The following PTPRD variants were observed in gnomAD, a reference collection of about 807,000 sequenced individuals.
PTPRD encodes the protein protein tyrosine phosphatase receptor type D.
PTPRD carries 34 observed loss-of-function variants against 214.5 expected under a neutral mutation model. That is an observed-to-expected ratio of 0.16 (90% confidence interval 0.12 to 0.21). The LOEUF (loss-of-function observed/expected upper bound fraction) is 0.21, where lower values mean the gene tolerates loss of function less well. Ranked by LOEUF, PTPRD falls within the 10% of genes least tolerant of loss-of-function variation. PTPRD has a pLI of 1.00. For synonymous variants in PTPRD, 1,128 were observed against 845.7 expected (o/e 1.33, Z -5.79); for missense variants, 2,545 against 2,398.7 (o/e 1.06, Z -1.27).
chr9:9,598,878 T>G (rs2093559365), intron 7 of PTPRD, among the ~76,000 whole-genome samples: 1 of 152,004 alleles, frequency 6.6e-6, no homozygotes. Flanking sequence ...AAAGATTTCC[T>G]TCTGAAGCTT....
At chr9:10,049,407 A>AGAAAGAAAG (rs1266009020) in intron 3 of PTPRD, among the ~76,000 whole-genome samples, 1 of 115,696 alleles carries the variant, frequency 8.6e-6, no homozygotes, top group Non-Finnish European at 1.7e-5. Context: ...TTAAAAAAAA[A>AGAAAGAAAG]AAAGAAAGAA....
chr9:10,591,216 G>C (rs140378507), intron 2 of PTPRD, among the ~76,000 whole-genome samples: 1 of 151,342 alleles, frequency 6.6e-6, no homozygotes, highest in Non-Finnish European at 1.5e-5. Context: ...TCTATTGCTT[G>C]TGCTTACTCC....
intron 2 of PTPRD, among the ~76,000 whole-genome samples, chr9:10,407,288 A>C (rs971862818): frequency 1.1e-4 from 17 of 151,602 alleles, no homozygotes; most frequent in Admixed American, 2.6e-4. Flanking sequence ...ATATGGTGTG[A>C]TAATTGGATG....
At chr9:9,117,190 CTTT>C (rs2099813181) in intron 10 of PTPRD, among the ~76,000 whole-genome samples, 1 of 149,002 alleles carries the variant, frequency 6.7e-6, no homozygotes, top group African/African-American at 2.5e-5. Flanking sequence ...AAATTAGTAT[CTTT>C]TTCCAGCAGA....
At chr9:9,961,488 C>T (rs1028342560) in intron 4 of PTPRD, among the ~76,000 whole-genome samples, 4 of 152,036 alleles carry the variant, frequency 2.6e-5, no homozygotes, top group Non-Finnish European at 5.9e-5. Context: ...GTTGAAAGTT[C>T]CCAGGAGCAT....
intron 4 of PTPRD, among the ~76,000 whole-genome samples, chr9:9,973,585 T>G (rs1487840011): frequency 6.6e-6 from 1 of 152,144 alleles, no homozygotes; most frequent in African/African-American, 2.4e-5. Flanking sequence ...AAAACTAACT[T>G]TCTTCGCTAG....
At chr9:9,925,497 A>G (rs2083955803) in intron 5 of PTPRD, among the ~76,000 whole-genome samples, 1 of 152,240 alleles carries the variant, frequency 6.6e-6, no homozygotes, top group South Asian at 2.1e-4. Context: ...TGGATAACTA[A>G]AAGAATATGT....
chr9:8,554,856 C>T (rs1291616472), intron 14 of PTPRD, among the ~76,000 whole-genome samples: 1 of 152,112 alleles, frequency 6.6e-6, no homozygotes, highest in Non-Finnish European at 1.5e-5. Flanking sequence ...CGCTTTCTAT[C>T]ATTTTTACGG....
At chr9:10,102,233 G>C (rs115054952) in intron 3 of PTPRD, among the ~76,000 whole-genome samples, 122 of 151,588 alleles carry the variant, frequency 8.0e-4, no homozygotes, top group African/African-American at 2.7e-3. Flanking sequence ...TATCTTTTGA[G>C]ACTCACATTG....
intron 9 of PTPRD, among the ~76,000 whole-genome samples, chr9:9,190,832 C>G (rs1054801375): frequency 6.6e-6 from 1 of 152,096 alleles, no homozygotes; most frequent in Middle Eastern, 3.2e-3. Flanking sequence ...TTTAGAGTTA[C>G]TACTGTCTCA....
At chr9:10,393,663 G>C (rs1439421906) in intron 2 of PTPRD, among the ~76,000 whole-genome samples, 1 of 146,376 alleles carries the variant, frequency 6.8e-6, no homozygotes, top group South Asian at 2.1e-4. Flanking sequence ...GAGAGAGAGA[G>C]AGAGACACTC....
chr9:8,561,661 G>C (rs2086419736), intron 14 of PTPRD, among the ~76,000 whole-genome samples: 1 of 152,016 alleles, frequency 6.6e-6, no homozygotes, highest in African/African-American at 2.4e-5. Flanking sequence ...CAAATTGTCA[G>C]AAAATTCCTG....
intron 2 of PTPRD, among the ~76,000 whole-genome samples, chr9:10,578,024 G>C (rs1031570140): frequency 6.6e-6 from 1 of 151,278 alleles, no homozygotes; most frequent in African/African-American, 2.4e-5. Flanking sequence ...CGATTCTCTT[G>C]CCTCAGCTTC....
chr9:8,954,261 C>T (rs2099119383), intron 11 of PTPRD, among the ~76,000 whole-genome samples: 1 of 151,944 alleles, frequency 6.6e-6, no homozygotes, highest in Non-Finnish European at 1.5e-5. Context: ...CCAAATACTA[C>T]ATGTTCTCAC....
intron 6 of PTPRD, among the ~76,000 whole-genome samples, chr9:9,758,148 C>CAAAAAAAA (rs3050038): frequency 0.096 from 10,829 of 113,118 alleles, 738 homozygotes; most frequent in African/African-American, 0.23. Context: ...GTAAAAATGG[C>CAAAAAAAA]AAAAAAAAAA....
At chr9:9,126,360 T>C (rs914090128) in intron 10 of PTPRD, among the ~76,000 whole-genome samples, 26 of 152,214 alleles carry the variant, frequency 1.7e-4, no homozygotes, top group Non-Finnish European at 2.9e-4. Flanking sequence ...CAATAGGCCA[T>C]AATATTTGAA....
At chr9:8,906,644 T>C (rs1337540300) in intron 11 of PTPRD, among the ~76,000 whole-genome samples, 3 of 152,192 alleles carry the variant, frequency 2.0e-5, no homozygotes, top group African/African-American at 7.2e-5. Flanking sequence ...AGTGGGAATC[T>C]GTGGCATTAA....
rs2099081117 is a variant in PTPRD, at chr9:8,948,463, ATTTACATATATATATATT to A, written c.-104+70216_-104+70233del. Among the ~76,000 whole-genome samples the A allele has an allele frequency of 8.3e-4, 10 of 12,108 alleles. 1 individual carries two copies. Among genetic ancestry groups the A allele is most frequent in the Non-Finnish European group, 1.7e-3 (9 of 5,184 alleles). The allele number at this position is 12,108 out of a possible 152,430, so 7.9% of individuals were successfully genotyped here. ...TACATATATATATATTTATATATATATTTACATATATATATATTTATATATATATTTATATATATATTT... is the reference window on the plus strand; with the variant it reads ...TACATATATATATATTTATATATATATATATATATATTTATATATATATTT... On this transcript the variant is annotated intron_variant, in intron 11 of 45. Transcript: ENST00000381196.
intron 9 of PTPRD, among the ~76,000 whole-genome samples, chr9:9,288,256 C>A (rs1950111843): frequency 6.6e-6 from 1 of 151,824 alleles, no homozygotes. Context: ...CACACTTGAA[C>A]ATATTTATTC....
Sources: allele counts gnomAD v4.1 joint callset (sites outside exome capture counted in the v4.1 genomes callset), GRCh38; gene constraint gnomAD v4.1.1; transcripts MANE v1.5; gene names NCBI Gene and HGNC (gene_info 2026-07-23, HGNC 2026-07-21).